ZBTB38: variants seen among roughly 807,000 people sequenced by gnomAD.
The protein encoded by ZBTB38 is zinc finger and BTB domain-containing protein 38.
A neutral mutation model predicts 76.8 loss-of-function variants in ZBTB38; 20 were observed. That is an observed-to-expected ratio of 0.26 (90% CI 0.18 to 0.38). ZBTB38 has a LOEUF of 0.38. Ranked by LOEUF, ZBTB38 falls within the 10% of genes least tolerant of loss-of-function variation. The probability of loss-of-function intolerance (pLI) is 1.00; values close to 1 mark genes in which losing one functional copy is unlikely to be tolerated. For synonymous variants in ZBTB38, 504 were observed against 544.2 expected, an observed-to-expected ratio of 0.93 and a Z score of 1.03; for missense variants, 1,082 against 1,482.3, an observed-to-expected ratio of 0.73 and a Z score of 4.43.
At chr3:141,379,922 G>A (rs543620803) in intron 2 of ZBTB38, among the ~76,000 whole-genome samples, 25 of 152,328 alleles carry the variant, frequency 1.6e-4, no homozygotes, top group African/African-American at 4.6e-4. Context: ...TTAAACAAAT[G>A]TAGTATGATA....
intron 4 of ZBTB38, among the ~76,000 whole-genome samples, chr3:141,400,135 T>A (rs577355730): frequency 6.6e-6 from 1 of 152,216 alleles, no homozygotes; most frequent in South Asian, 2.1e-4. Context: ...TCCTGGAAAT[T>A]TCCAGATAGT....
intron 5 of ZBTB38, among the ~76,000 whole-genome samples, chr3:141,406,600 G>A (rs1168158073): frequency 6.6e-6 from 1 of 152,172 alleles, no homozygotes; most frequent in Non-Finnish European, 1.5e-5. Flanking sequence ...GGCTCATTTG[G>A]GAGTCTTTGG....
intron 5 of ZBTB38, chr3:141,434,070 C>T: frequency 2.6e-6 from 1 of 387,264 alleles, no homozygotes; most frequent in African/African-American, 2.2e-5. Flanking sequence ...GCAGGGAGTA[C>T]AAAGATGAAT....
intron 4 of ZBTB38, chr3:141,390,103 T>C (rs957627822): frequency 6.6e-6 from 1 of 152,214 alleles, no homozygotes; most frequent in Non-Finnish European, 1.5e-5. Context: ...ATATATTACT[T>C]CGTTGTGTTT....
chr3:141,352,709 A>G (rs1460857412), intron 1 of ZBTB38, among the ~76,000 whole-genome samples: 1 of 152,114 alleles, frequency 6.6e-6, no homozygotes, highest in Admixed American at 6.6e-5. Flanking sequence ...CTTTGCCACA[A>G]AGCAGCTCTC....
intron 3 of ZBTB38, chr3:141,385,928 A>T (rs1946970532): frequency 6.6e-6 from 1 of 152,152 alleles, no homozygotes; most frequent in Non-Finnish European, 1.5e-5. Flanking sequence ...TTCACTCATA[A>T]AACGGATATC....
intron 2 of ZBTB38, among the ~76,000 whole-genome samples, chr3:141,381,004 A>G (rs1946121616): frequency 6.6e-6 from 1 of 152,154 alleles, no homozygotes; most frequent in African/African-American, 2.4e-5. Flanking sequence ...TTTTCAGCCT[A>G]GTTGCCAGTC....
chr3:141,442,765 A>G lies in ZBTB38; in HGVS notation c.377A>G (p.Asn126Ser), dbSNP rs2080525584. ...ISFLEDLTDR[N>S]FSNSPGPYVF... is the part of the protein sequence containing the mutation. The stretch of plus-strand genomic sequence containing the variant: ...TTCTTGGAAGACCTTACTGATCGCA[A>G]CTTCTCAAATTCCCCGGGTCCCTAT... The change falls in exon 6 of 6, where the codon AAC becomes AGC. Residue 126 changes from asparagine to serine, a missense_variant. This residue lies in a region of ZBTB38 where 34 missense variants were observed against 40.4 expected (regional missense o/e 0.84). Transcript: ENST00000321464. The surrounding 1 kb of genome is among the most constrained non-coding windows in gnomAD (Gnocchi z 6.4). 5.6e-6 allele frequency: 9 copies of G among 1,614,200 alleles called. No homozygotes were observed. Among genetic ancestry groups the G allele is most frequent in the Non-Finnish European group, 7.6e-6 (9 of 1,180,034 alleles).
chr3:141,406,485 C>T (rs1954475252), intron 5 of ZBTB38, among the ~76,000 whole-genome samples: 1 of 152,150 alleles, frequency 6.6e-6, no homozygotes, highest in Non-Finnish European at 1.5e-5. Flanking sequence ...ATGGAGGAAA[C>T]TCAGAAGGAG....
At chr3:141,375,090 C>CA (rs1418652338) in intron 2 of ZBTB38, among the ~76,000 whole-genome samples, 1 of 151,696 alleles carries the variant, frequency 6.6e-6, no homozygotes, top group Non-Finnish European at 1.5e-5. Flanking sequence ...ATTTATTAGA[C>CA]AAAAAAAATT....
At chr3:141,426,256 C>T (rs753226796) in intron 5 of ZBTB38, 52 of 1,163,212 alleles carry the variant, frequency 4.5e-5, no homozygotes, top group South Asian at 2.6e-4. Flanking sequence ...TGCAAAAGCA[C>T]ACCTGCCCAG....
chr3:141,405,240 G>A (rs890370136), intron 5 of ZBTB38, among the ~76,000 whole-genome samples: 1 of 152,172 alleles, frequency 6.6e-6, no homozygotes, highest in Non-Finnish European at 1.5e-5. Context: ...TCAACTGTTA[G>A]CAATTTTCTA....
chr3:141,369,763 C>T (rs912562465), intron 1 of ZBTB38, 109 bp from the exon 2 acceptor site: 4 of 152,184 alleles, frequency 2.6e-5, no homozygotes, highest in African/African-American at 4.8e-5. Flanking sequence ...AAAACAGTGG[C>T]ATATTCCTTT....
chr3:141,425,126 C>G (rs1289556761), intron 5 of ZBTB38, among the ~76,000 whole-genome samples: 1 of 152,194 alleles, frequency 6.6e-6, no homozygotes, highest in African/African-American at 2.4e-5. Flanking sequence ...AAAGTTCAGA[C>G]TTTTAGCCAC....
chr3:141,400,493 A>G (rs561187394), intron 4 of ZBTB38, among the ~76,000 whole-genome samples: 1 of 152,356 alleles, frequency 6.6e-6, no homozygotes, highest in East Asian at 1.9e-4. Context: ...AATACAAAAA[A>G]GTGGATATGG....
chr3:141,436,633 G>T (rs1437165222), intron 5 of ZBTB38, among the ~76,000 whole-genome samples: 1 of 152,100 alleles, frequency 6.6e-6, no homozygotes, highest in African/African-American at 2.4e-5. Flanking sequence ...GAGTAGCTGG[G>T]ACTACAGGCA....
At chr3:141,419,981 C>T (rs1232165515) in intron 5 of ZBTB38, among the ~76,000 whole-genome samples, 1 of 152,074 alleles carries the variant, frequency 6.6e-6, no homozygotes, top group Non-Finnish European at 1.5e-5. Flanking sequence ...GAGCACAACT[C>T]CGTCTCAAAA....
chr3:141,326,363 C>G (rs1226595460), intron 1 of ZBTB38, among the ~76,000 whole-genome samples: 6 of 152,182 alleles, frequency 3.9e-5, no homozygotes, highest in Admixed American at 1.3e-4. Flanking sequence ...AGTTAATGTG[C>G]TTTGCCTCCT....
chr3:141,329,962 C>T (rs1049962365), intron 1 of ZBTB38, among the ~76,000 whole-genome samples: 1 of 150,884 alleles, frequency 6.6e-6, no homozygotes, highest in African/African-American at 2.4e-5. Flanking sequence ...GACCTTGCCT[C>T]TATAAAAAAA....
Sources: gnomAD v4.1 joint callset for allele counts (sites outside exome capture counted in the v4.1 genomes callset) on GRCh38, gnomAD v4.1.1 for gene constraint, gnomAD v4.1.1 regional missense constraint, Gnocchi (gnomAD v3.1) non-coding constraint, MANE v1.5 for transcripts, NCBI Gene and HGNC (gene_info 2026-07-23, HGNC 2026-07-21) for gene names.